Variants in HIPK2 observed in about 807,000 individuals in gnomAD.
HIPK2 encodes homeodomain interacting protein kinase 2, also known as homeodomain-interacting protein kinase 2.
HIPK2 carries 27 observed loss-of-function variants against 113.7 expected under a neutral mutation model. That is an observed-to-expected ratio of 0.24 (90% CI 0.17 to 0.33). HIPK2 has a LOEUF of 0.33. Ranked by LOEUF, HIPK2 falls within the 10% of genes least tolerant of loss-of-function variation. The pLI is 1.00. For synonymous variants in HIPK2, 631 were observed against 642.2 expected (o/e 0.98, Z 0.26); for missense variants, 1,257 against 1,588.0 (o/e 0.79, Z 3.54).
chr7:139,624,650 A>C (rs1283255594), intron 6 of HIPK2, among the ~76,000 whole-genome samples: 1 of 152,036 alleles, frequency 6.6e-6, no homozygotes, highest in Admixed American at 6.5e-5. Flanking sequence ...CCAGAACACC[A>C]CGTTTACTTG....
chr7:139,739,514 G>A (rs891576370), intron 1 of HIPK2, among the ~76,000 whole-genome samples: 1 of 151,940 alleles, frequency 6.6e-6, no homozygotes. Context: ...TTGAACCCTG[G>A]AGGCGGAGGT....
At chr7:139,632,564 T>C (rs950091488) in intron 2 of HIPK2, among the ~76,000 whole-genome samples, 7 of 152,148 alleles carry the variant, frequency 4.6e-5, no homozygotes, top group Admixed American at 3.9e-4. Context: ...CAGCGTAAAC[T>C]CCATGAACAA....
intron 2 of HIPK2, among the ~76,000 whole-genome samples, chr7:139,665,683 A>G (rs1472584219): frequency 6.6e-6 from 1 of 152,004 alleles, no homozygotes; most frequent in Non-Finnish European, 1.5e-5. Context: ...TATCCTCATT[A>G]TATTACCAAA....
chr7:139,688,447 G>C (rs9692201), intron 2 of HIPK2, among the ~76,000 whole-genome samples: 96,640 of 152,106 alleles, frequency 0.64, 31,439 homozygotes, highest in Non-Finnish European at 0.67. Flanking sequence ...ACAGGAAGGT[G>C]TGGAAGAACG....
intron 1 of HIPK2, among the ~76,000 whole-genome samples, chr7:139,732,115 G>C (rs1795806282): frequency 6.6e-6 from 1 of 152,208 alleles, no homozygotes; most frequent in African/African-American, 2.4e-5. Context: ...TAATAAAGTA[G>C]CATTGTAATG....
chr7:139,572,898 T>TACCCA lies in HIPK2; in HGVS notation c.*28_*29insTGGGT. 2.5e-6 allele frequency: 1 copy of TACCCA among 407,280 alleles called. No individual in the cohort carries two copies. Among genetic ancestry groups the TACCCA allele is most frequent in the South Asian group, 2.1e-5 (1 of 48,654 alleles). 25.2% of individuals were successfully genotyped at this position (407,280 alleles called of 1,614,324 possible). On this transcript the variant is annotated 3_prime_UTR_variant, in exon 15 of 15. Coordinates refer to ENST00000406875, the MANE Select transcript of HIPK2 (RefSeq NM_022740.5). ...CTCCTCCCTCGGGCCATTCTCTCCC[T>TACCCA]CCCTCCCTCCCTCCCTCCCCTCCAG...
intron 2 of HIPK2, among the ~76,000 whole-genome samples, chr7:139,659,318 C>A (rs535273014): frequency 6.6e-6 from 1 of 152,212 alleles, no homozygotes; most frequent in Admixed American, 6.5e-5. Context: ...CACAGATATG[C>A]CATTTCATGC....
chr7:139,654,351 A>C lies in HIPK2; in HGVS notation c.1104-22626T>G, dbSNP rs374921840. On this transcript the variant is annotated intron_variant, in intron 2 of 14. Transcript: ENST00000406875. Reference sequence around the variant, plus strand: ...ACACAGCGAGACTTTGTCTACAAAAAAAAATCAAAACATTAGCCAGGTGTG... The same window carrying C: ...ACACAGCGAGACTTTGTCTACAAAACAAAATCAAAACATTAGCCAGGTGTG... Among the ~76,000 whole-genome samples the C allele has an allele frequency of 1.8e-4, 28 of 152,294 alleles. No individual in the cohort carries two copies. In the South Asian group the frequency reaches 5.6e-3, roughly 30 times the overall value.
chr7:139,561,681 A>T lies in HIPK2; in HGVS notation c.*11246T>A, dbSNP rs1585209933. ...CAAATTTTAATTAATAAGTCATTTC[A>T]CCTCGGAGACCGAAAAAATGATCAA... is the stretch of plus-strand genomic sequence containing the variant. On this transcript the variant is annotated 3_prime_UTR_variant, in exon 15 of 15. Coordinates refer to ENST00000406875, the MANE Select transcript of HIPK2 (RefSeq NM_022740.5). The T allele has an allele frequency of 6.6e-6, 1 of 152,100 alleles. No individual in the cohort carries two copies. 9.4% of individuals were successfully genotyped at this position (152,100 alleles called of 1,614,324 possible).
chr7:139,737,152 C>T (rs1205289674), intron 1 of HIPK2, among the ~76,000 whole-genome samples: 6 of 152,190 alleles, frequency 3.9e-5, no homozygotes, highest in Admixed American at 6.5e-5. Flanking sequence ...AACTACATGG[C>T]TCATATAGTA....
chr7:139,674,967 G>C (rs762818268), intron 2 of HIPK2, among the ~76,000 whole-genome samples: 1 of 152,286 alleles, frequency 6.6e-6, no homozygotes, highest in Admixed American at 6.5e-5. Flanking sequence ...GCACACTTCT[G>C]CATTTGCCTT....
chr7:139,733,737 G>A (rs1297563253), intron 1 of HIPK2, among the ~76,000 whole-genome samples: 2 of 152,192 alleles, frequency 1.3e-5, no homozygotes, highest in Non-Finnish European at 2.9e-5. Flanking sequence ...CTGTAATTCA[G>A]GTAAGCTAAG....
intron 2 of HIPK2, among the ~76,000 whole-genome samples, chr7:139,679,491 C>G (rs904209150): frequency 6.6e-6 from 1 of 152,134 alleles, no homozygotes; most frequent in African/African-American, 2.4e-5. Context: ...ATTAGGAACA[C>G]TATATGCTCA....
intron 1 of HIPK2, among the ~76,000 whole-genome samples, chr7:139,755,404 T>C (rs1796346348): frequency 6.6e-6 from 1 of 152,198 alleles, no homozygotes; most frequent in African/African-American, 2.4e-5. Context: ...GTTTATACAC[T>C]TTGTGTTGGT....
At chr7:139,701,370 A>C (rs1159600601) in intron 2 of HIPK2, among the ~76,000 whole-genome samples, 2 of 152,248 alleles carry the variant, frequency 1.3e-5, no homozygotes, top group African/African-American at 4.8e-5. Flanking sequence ...GGCTAACTGC[A>C]GGACGTGAAG....
intron 2 of HIPK2, among the ~76,000 whole-genome samples, chr7:139,671,390 C>T (rs1020435289): frequency 2.0e-5 from 3 of 152,108 alleles, no homozygotes; most frequent in Non-Finnish European, 2.9e-5. Context: ...GAACTTCTAG[C>T]GTGACATTTT....
intron 2 of HIPK2, among the ~76,000 whole-genome samples, chr7:139,653,080 A>G (rs1337138529): frequency 8.8e-6 from 1 of 113,542 alleles, no homozygotes; most frequent in Non-Finnish European, 1.8e-5. Flanking sequence ...CTGAGGTTGC[A>G]GTGAGCCGAG....
intron 2 of HIPK2, among the ~76,000 whole-genome samples, chr7:139,635,872 C>T (rs913256739): frequency 6.6e-6 from 1 of 152,170 alleles, no homozygotes; most frequent in African/African-American, 2.4e-5. Context: ...AAACAGAACA[C>T]AAAAAACAAA....
rs1285886450 is a variant in HIPK2, at chr7:139,752,718, A to G, written c.19+24887T>C. On this transcript the variant is annotated intron_variant, in intron 1 of 14. Coordinates refer to ENST00000406875, the MANE Select transcript of HIPK2 (RefSeq NM_022740.5). Reference sequence around the variant, plus strand: ...CCAAACAGCTGGCACTGCTTTTTTCACAGCTGAAAAAAAAAAAAAAAAGAA... The same window carrying G: ...CCAAACAGCTGGCACTGCTTTTTTCGCAGCTGAAAAAAAAAAAAAAAAGAA... Among the ~76,000 whole-genome samples the G allele has an allele frequency of 4.8e-5, 7 of 146,232 alleles. No individual in the cohort carries two copies. In the East Asian group the frequency reaches 1.4e-3, roughly 29 times the overall value.
Sources: gnomAD v4.1 joint callset for allele counts (sites outside exome capture counted in the v4.1 genomes callset) on GRCh38, gnomAD v4.1.1 for gene constraint, MANE v1.5 for transcripts, NCBI Gene and HGNC (gene_info 2026-07-23, HGNC 2026-07-21) for gene names.